BRAF: variants seen among roughly 807,000 people sequenced by gnomAD.
The protein encoded by BRAF is serine/threonine-protein kinase B-raf.
In BRAF, 16 loss-of-function variants were observed where a neutral mutation model predicts 104.6. That is an observed-to-expected ratio of 0.15 (90% CI 0.10 to 0.23). The LOEUF (loss-of-function observed/expected upper bound fraction) is 0.23. Ranked by LOEUF, BRAF falls within the 10% of genes least tolerant of loss-of-function variation. The pLI is 1.00. For missense variants in BRAF, 541 were observed against 937.3 expected (o/e 0.58, Z 5.52); for synonymous variants, 310 against 341.6 (o/e 0.91, Z 1.02).
intron 18 of BRAF, among the ~76,000 whole-genome samples, chr7:140,738,271 TA>T (rs1207094687): frequency 2.0e-5 from 3 of 152,246 alleles, no homozygotes; most frequent in African/African-American, 7.2e-5. Context: ...ACAGACTTGT[TA>T]AAACCATCAA....
intron 19 of BRAF, chr7:140,733,184 A>T (rs981469385): frequency 6.6e-6 from 1 of 152,250 alleles, no homozygotes; most frequent in African/African-American, 2.4e-5. Flanking sequence ...ACATCTAAGT[A>T]TTCAAATAAA....
chr7:140,838,547 C>G (rs934727605), intron 2 of BRAF, among the ~76,000 whole-genome samples: 2 of 152,154 alleles, frequency 1.3e-5, no homozygotes, highest in East Asian at 3.8e-4. Flanking sequence ...CCAAGTTGAT[C>G]TACAGATTCA....
At chr7:140,894,554 G>A (rs1251608247) in intron 1 of BRAF, among the ~76,000 whole-genome samples, 1 of 151,972 alleles carries the variant, frequency 6.6e-6, no homozygotes, top group African/African-American at 2.4e-5. Context: ...TTATTAGCAA[G>A]GAGTTAAAAT....
In BRAF at chr7:140,724,754, AT is replaced by A; in HGVS notation, c.*1739del. ...CTTGATTTATTCTGGGTCTTGTTTAATTTCTTTCAAGTCCTTGGCTATAGCT... is the reference window on the plus strand; with the variant it reads ...CTTGATTTATTCTGGGTCTTGTTTAATTCTTTCAAGTCCTTGGCTATAGCT... On this transcript the variant is annotated 3_prime_UTR_variant, in exon 20 of 20. Coordinates refer to ENST00000644969, the MANE Select transcript of BRAF (RefSeq NM_001374258.1). 9.7e-7 allele frequency: 1 copy of A among 1,033,974 alleles called. No individual in the cohort carries two copies. 64.0% of individuals were successfully genotyped at this position (1,033,974 alleles called of 1,614,324 possible).
chr7:140,720,376 A>T lies in BRAF; in HGVS notation c.*6118T>A. 2.8e-6 allele frequency: 3 copies of T among 1,062,654 alleles called. No homozygotes were observed. Among genetic ancestry groups the T allele is most frequent in the Non-Finnish European group, 3.4e-6 (3 of 877,618 alleles). 65.8% of individuals were successfully genotyped at this position (1,062,654 alleles called of 1,614,324 possible). ...GGCAGGAGAAGGGGACAGCACAGAG[A>T]CATACACCCCTGTATGTAAACTAAC... On this transcript the variant is annotated 3_prime_UTR_variant, in exon 20 of 20. Coordinates refer to ENST00000644969, the MANE Select transcript of BRAF (RefSeq NM_001374258.1).
At chr7:140,742,015 A>G (rs1796963135) in intron 17 of BRAF, among the ~76,000 whole-genome samples, 1 of 152,068 alleles carries the variant, frequency 6.6e-6, no homozygotes, top group African/African-American at 2.4e-5. Flanking sequence ...TATTTAACAT[A>G]ACCTTGTGGA....
chr7:140,746,724 C>T (rs959746263), intron 17 of BRAF, among the ~76,000 whole-genome samples: 16 of 151,148 alleles, frequency 1.1e-4, no homozygotes, highest in South Asian at 4.2e-4. Flanking sequence ...CCCAGCTACT[C>T]GGGAGGCTGA....
chr7:140,771,346 C>A (rs1302708937), intron 14 of BRAF, among the ~76,000 whole-genome samples: 1 of 152,120 alleles, frequency 6.6e-6, no homozygotes, highest in Non-Finnish European at 1.5e-5. Context: ...CAGGTGCACA[C>A]CATCACATCC....
intron 16 of BRAF, among the ~76,000 whole-genome samples, chr7:140,750,197 T>C (rs767250114): frequency 2.6e-5 from 4 of 152,204 alleles, no homozygotes; most frequent in Non-Finnish European, 4.4e-5. Flanking sequence ...GTCTTCTGTA[T>C]TGTTTCATTT....
chr7:140,745,256 T>G (rs1226322700), intron 17 of BRAF, among the ~76,000 whole-genome samples: 2 of 152,158 alleles, frequency 1.3e-5, no homozygotes, highest in African/African-American at 4.8e-5. Context: ...TATTTAAACT[T>G]AAGATAAAAA....
chr7:140,814,756 CAT>C (rs201502228), intron 3 of BRAF, among the ~76,000 whole-genome samples: 18 of 138,482 alleles, frequency 1.3e-4, no homozygotes, highest in East Asian at 8.1e-4. Context: ...CAATATATAA[CAT>C]ATATATTATA....
At chr7:140,923,853 T>C (rs976756779) in intron 1 of BRAF, among the ~76,000 whole-genome samples, 4 of 152,012 alleles carry the variant, frequency 2.6e-5, no homozygotes, top group Non-Finnish European at 5.9e-5. Flanking sequence ...GTCCGACAAC[T>C]GGAAAATGAG....
the BRAF span, among the ~76,000 whole-genome samples, chr7:140,713,478 T>C: frequency 2.0e-5 from 3 of 152,208 alleles, no homozygotes; most frequent in South Asian, 6.2e-4. Context: ...CTTTAAGGAC[T>C]TCTCTGCATT....
At chr7:140,861,915 A>T (rs950651120) in intron 1 of BRAF, among the ~76,000 whole-genome samples, 3 of 152,186 alleles carry the variant, frequency 2.0e-5, no homozygotes, top group South Asian at 4.1e-4. Context: ...CTAAGTAAGT[A>T]AGCTAGCTCC....
intron 3 of BRAF, among the ~76,000 whole-genome samples, chr7:140,813,093 C>T (rs1222002149): frequency 6.6e-6 from 1 of 151,980 alleles, no homozygotes; most frequent in African/African-American, 2.4e-5. Context: ...AAAACAAACA[C>T]ATTAAAAGTG....
At chr7:140,850,442 T>C (rs1809041152) in intron 1 of BRAF, among the ~76,000 whole-genome samples, 1 of 152,194 alleles carries the variant, frequency 6.6e-6, no homozygotes, top group Admixed American at 6.5e-5. Context: ...AATACATGAA[T>C]ATTCAGAATA....
chr7:140,844,196 G>A (rs961573954), intron 2 of BRAF, among the ~76,000 whole-genome samples: 11 of 151,314 alleles, frequency 7.3e-5, no homozygotes, highest in South Asian at 2.1e-4. Context: ...CTGTAAGGGC[G>A]CACCCTTCTA....
rs185139881 is a variant in BRAF, at chr7:140,724,060, A to G, written c.*2434T>C. The G allele has an allele frequency of 7.6e-6, 8 of 1,047,956 alleles. No individual in the cohort carries two copies. In the African/African-American group the frequency reaches 1.3e-4, roughly 17 times the overall value. 64.9% of individuals were successfully genotyped at this position (1,047,956 alleles called of 1,614,324 possible). A position where few individuals can be genotyped will look rare whatever the true frequency, so the allele number is the denominator to read the frequency against. ...AATATGCTAAGCCTGGCTCCTGGGC[A>G]CAGCTTCATTTGAGATCAAGTCTGC... On this transcript the variant is annotated 3_prime_UTR_variant, in exon 20 of 20. Transcript: ENST00000644969.
downstream of BRAF, among the ~76,000 whole-genome samples, chr7:140,716,312 T>TTGATC (rs1795129054): frequency 6.6e-6 from 1 of 152,208 alleles, no homozygotes; most frequent in Non-Finnish European, 1.5e-5. Flanking sequence ...GCAAATAACT[T>TTGATC]TGATCTGTAC....
Sources: gnomAD v4.1 joint callset for allele counts (sites outside exome capture counted in the v4.1 genomes callset) on GRCh38, gnomAD v4.1.1 for gene constraint, MANE v1.5 for transcripts, NCBI Gene and HGNC (gene_info 2026-07-23, HGNC 2026-07-21) for gene names.